Variants in AOX1 observed in about 807,000 individuals in gnomAD.
AOX1 encodes the protein aldehyde oxidase.
AOX1 carries 153 observed loss-of-function variants against 169.5 expected under a neutral mutation model. The observed-to-expected ratio is 0.90, with a 90% CI of 0.79 to 1.03. The LOEUF (loss-of-function observed/expected upper bound fraction) is 1.03, where lower values mean the gene tolerates loss of function less well. Among genes scored for constraint, AOX1 ranks in the 50% least tolerant of loss-of-function variants. The pLI is 0.00. For synonymous variants in AOX1, 562 were observed against 581.9 expected (o/e 0.97, Z 0.49); for missense variants, 1,656 against 1,663.9 (o/e 1.00, Z 0.08).
At chr2:200,635,945 C>G (rs951648223) in intron 21 of AOX1, among the ~76,000 whole-genome samples, 1 of 151,932 alleles carries the variant, frequency 6.6e-6, no homozygotes, top group Non-Finnish European at 1.5e-5. Flanking sequence ...CTTCACTCTC[C>G]GTGGGATGTT....
intron 25 of AOX1, among the ~76,000 whole-genome samples, chr2:200,646,494 G>A (rs2035455083): frequency 6.6e-6 from 1 of 152,092 alleles, no homozygotes; most frequent in Non-Finnish European, 1.5e-5. Flanking sequence ...ATCTATCTTG[G>A]AGAAAGTTCC....
intron 25 of AOX1, among the ~76,000 whole-genome samples, chr2:200,645,286 A>T (rs546434696): frequency 6.6e-6 from 1 of 152,228 alleles, no homozygotes; most frequent in African/African-American, 2.4e-5. Flanking sequence ...TCATAAAGAG[A>T]TGCTGGATTT....
chr2:200,630,113 C>T (rs532104305), intron 20 of AOX1, among the ~76,000 whole-genome samples: 27 of 150,498 alleles, frequency 1.8e-4, no homozygotes, highest in African/African-American at 6.4e-4. Flanking sequence ...GTGGCTCATG[C>T]CTGTAATCCC....
intron 25 of AOX1, among the ~76,000 whole-genome samples, chr2:200,645,694 T>C (rs1213487097): frequency 6.6e-6 from 1 of 152,210 alleles, no homozygotes; most frequent in Non-Finnish European, 1.5e-5. Context: ...TGAATCCTTC[T>C]GGTCCTGGAC....
In AOX1 at chr2:200,636,648, AT is replaced by A. The variant is rs576068024; in HGVS notation, c.2347-262del. Among the ~76,000 whole-genome samples, 442 of 152,280 alleles carry A rather than the reference AT, an allele frequency of 2.9e-3. 1 individual carries two copies. Among genetic ancestry groups the A allele is most frequent in the African/African-American group, 0.01 (424 of 41,554 alleles). On this transcript the variant is annotated intron_variant, in intron 21 of 34. Transcript: ENST00000374700. ...AAAACACTACTAATTAGTTTTGGCA[AT>A]GTCATTATAGCCAAGTATTGCTGAG...
At chr2:200,663,943 T>C (rs1288276659) in intron 31 of AOX1, among the ~76,000 whole-genome samples, 1 of 152,206 alleles carries the variant, frequency 6.6e-6, no homozygotes, top group African/African-American at 2.4e-5. Flanking sequence ...GAAACTATGG[T>C]CACTTTTATT....
At chr2:200,648,895 C>T (rs1366270276) in intron 25 of AOX1, among the ~76,000 whole-genome samples, 1 of 151,974 alleles carries the variant, frequency 6.6e-6, no homozygotes, top group Non-Finnish European at 1.5e-5. Flanking sequence ...CAGGCCTCAC[C>T]CAGCTCCCAT....
chr2:200,669,798 T>C, intron 34 of AOX1, 56 bp downstream of exon 34: 1 of 1,581,818 alleles, frequency 6.3e-7, no homozygotes, highest in Non-Finnish European at 8.6e-7. Flanking sequence ...ATTTTTGGCC[T>C]CTGTTCTTGT....
At chr2:200,612,109 A>C (rs1253674204) in intron 13 of AOX1, among the ~76,000 whole-genome samples, 1 of 152,118 alleles carries the variant, frequency 6.6e-6, no homozygotes, top group African/African-American at 2.4e-5. Context: ...TGACATGAAG[A>C]GTATGCCTCT....
intron 3 of AOX1, among the ~76,000 whole-genome samples, chr2:200,596,379 T>G (rs1046977850): frequency 1.2e-4 from 18 of 152,348 alleles, no homozygotes; most frequent in Admixed American, 1.1e-3. Context: ...GACTACCCTA[T>G]GCTCTGTGAA....
At chr2:200,592,908 T>C (rs2034204663) in intron 1 of AOX1, among the ~76,000 whole-genome samples, 1 of 152,156 alleles carries the variant, frequency 6.6e-6, no homozygotes, top group Non-Finnish European at 1.5e-5. Context: ...AAACAACAAT[T>C]GCCTTAGAGA....
At chr2:200,680,400 A>G (rs756344196), downstream of AOX1, among the ~76,000 whole-genome samples, 2 of 152,188 alleles carry the variant, frequency 1.3e-5, no homozygotes, top group Non-Finnish European at 2.9e-5. Flanking sequence ...TTTGTATTCC[A>G]TGAAGGTTGT....
chr2:200,649,194 C>A (rs1342676155), intron 25 of AOX1, among the ~76,000 whole-genome samples: 1 of 151,810 alleles, frequency 6.6e-6, no homozygotes, highest in East Asian at 1.9e-4. Flanking sequence ...TGGTCCCCCG[C>A]CCCCTCCGCC....
At chr2:200,647,507 C>T (rs913410492) in intron 25 of AOX1, among the ~76,000 whole-genome samples, 2 of 152,198 alleles carry the variant, frequency 1.3e-5, no homozygotes, top group African/African-American at 2.4e-5. Flanking sequence ...TTCTGTCTCA[C>T]AGCTCTTAAG....
chr2:200,596,336 A>G (rs2034283536), intron 3 of AOX1, among the ~76,000 whole-genome samples: 1 of 152,128 alleles, frequency 6.6e-6, no homozygotes, highest in Admixed American at 6.5e-5. Context: ...TGTCGCAGCC[A>G]TGTTGCTCTG....
At chr2:200,618,685 G>A (rs181964368) in intron 16 of AOX1, among the ~76,000 whole-genome samples, 3 of 152,254 alleles carry the variant, frequency 2.0e-5, no homozygotes, top group East Asian at 3.9e-4. Flanking sequence ...AGGCCCTTAA[G>A]TAGTTGGGTA....
At chr2:200,663,063 G>C (rs773810007) in intron 31 of AOX1, 94 bp downstream of exon 31, 2 of 927,978 alleles carry the variant, frequency 2.2e-6, no homozygotes, top group Middle Eastern at 2.6e-4. Flanking sequence ...GTGAGTGGCA[G>C]CATCGTGCAT....
At chr2:200,596,514 C>G (rs756416776) in intron 3 of AOX1, among the ~76,000 whole-genome samples, 1 of 152,196 alleles carries the variant, frequency 6.6e-6, no homozygotes, top group African/African-American at 2.4e-5. Context: ...GAACTACCCC[C>G]GGCACTCAGT....
At chr2:200,656,131 G>A (rs1443174022) in intron 26 of AOX1, among the ~76,000 whole-genome samples, 3 of 152,246 alleles carry the variant, frequency 2.0e-5, no homozygotes, top group Non-Finnish European at 2.9e-5. Context: ...AGGCTTTCCC[G>A]GACCACAGTG....
Sources: gnomAD v4.1 joint callset for allele counts (sites outside exome capture counted in the v4.1 genomes callset) on GRCh38, gnomAD v4.1.1 for gene constraint, MANE v1.5 for transcripts, NCBI Gene and HGNC (gene_info 2026-07-23, HGNC 2026-07-21) for gene names.